The following TSHZ2 variants were observed in gnomAD, a reference collection of about 807,000 sequenced individuals.
TSHZ2 encodes teashirt homolog 2.
In TSHZ2, 21 loss-of-function variants were observed where a neutral mutation model predicts 74.4. The observed-to-expected ratio is 0.28, with a 90% CI of 0.20 to 0.41. The LOEUF is 0.41. Ranked by LOEUF, TSHZ2 falls within the 10% of genes least tolerant of loss-of-function variation. The probability of loss-of-function intolerance (pLI) is 1.00; values close to 1 mark genes in which losing one functional copy is unlikely to be tolerated. For synonymous variants in TSHZ2, 540 were observed against 515.3 expected (o/e 1.05, Z -0.65); for missense variants, 1,244 against 1,293.5 (o/e 0.96, Z 0.59).
At chr20:53,275,531 G>T in intron 2 of TSHZ2, among the ~76,000 whole-genome samples, 1 of 152,148 alleles carries the variant, frequency 6.6e-6, no homozygotes, top group Non-Finnish European at 1.5e-5. Context: ...AGGAAAGGCT[G>T]CAGGTCGATG....
At chr20:53,050,054 C>T (rs1984369403) in intron 1 of TSHZ2, among the ~76,000 whole-genome samples, 1 of 143,074 alleles carries the variant, frequency 7.0e-6, no homozygotes, top group South Asian at 2.4e-4. Context: ...GCACTCTAGC[C>T]TGGGCAACAA....
At chr20:53,104,147 A>G (rs1460200592) in intron 1 of TSHZ2, among the ~76,000 whole-genome samples, 2 of 151,732 alleles carry the variant, frequency 1.3e-5, no homozygotes, top group Non-Finnish European at 2.9e-5. Context: ...GCTGCTGGGG[A>G]CATTGACCAC....
chr20:53,484,732 AT>A (rs1198543198), intron 2 of TSHZ2, among the ~76,000 whole-genome samples: 1 of 152,134 alleles, frequency 6.6e-6, no homozygotes, highest in Non-Finnish European at 1.5e-5. Flanking sequence ...GTTAACAGTA[AT>A]GTGTATAAAG....
At chr20:53,401,829 CTGGAG>C (rs1351968229) in intron 2 of TSHZ2, among the ~76,000 whole-genome samples, 2 of 127,500 alleles carry the variant, frequency 1.6e-5, no homozygotes, top group African/African-American at 6.5e-5. Context: ...GTTGCCGAGG[CTGGAG>C]TGCAGTGGTG....
At chr20:53,484,385 T>C (rs1193069440) in intron 2 of TSHZ2, among the ~76,000 whole-genome samples, 1 of 116,408 alleles carries the variant, frequency 8.6e-6, no homozygotes, top group African/African-American at 3.8e-5. Context: ...TCTCTCTCTT[T>C]TTTTTTTTTT....
chr20:53,378,060 G>C (rs545000022), intron 2 of TSHZ2, among the ~76,000 whole-genome samples: 1 of 152,262 alleles, frequency 6.6e-6, no homozygotes, highest in East Asian at 1.9e-4. Flanking sequence ...TAGAACCTAG[G>C]CCAGGCACGG....
At chr20:53,291,837 C>T (rs917170275) in intron 2 of TSHZ2, among the ~76,000 whole-genome samples, 2 of 152,286 alleles carry the variant, frequency 1.3e-5, no homozygotes, top group Admixed American at 1.3e-4. Context: ...TACGTTGGTA[C>T]ATTTGGTACA....
At chr20:53,073,828 A>T (rs1274871262) in intron 1 of TSHZ2, among the ~76,000 whole-genome samples, 1 of 152,128 alleles carries the variant, frequency 6.6e-6, no homozygotes, top group Non-Finnish European at 1.5e-5. Flanking sequence ...ACTTTGAGAC[A>T]TGCATGTTTA....
chr20:53,209,396 A>C (rs2123605235), intron 1 of TSHZ2, among the ~76,000 whole-genome samples: 1 of 152,314 alleles, frequency 6.6e-6, no homozygotes, highest in East Asian at 1.9e-4. Context: ...CAAAATGCAC[A>C]TATAATTTAA....
intron 2 of TSHZ2, chr20:53,397,869 C>T (rs906851441): frequency 2.0e-5 from 3 of 152,040 alleles, no homozygotes; most frequent in Non-Finnish European, 2.9e-5. Context: ...AGCAAACTAT[C>T]GCAAGGACAG....
intron 2 of TSHZ2, among the ~76,000 whole-genome samples, chr20:53,341,612 G>A (rs765912004): frequency 1.1e-4 from 16 of 151,660 alleles, no homozygotes; most frequent in Non-Finnish European, 1.9e-4. Flanking sequence ...GGCTTAAACC[G>A]CCATACCCGG....
intron 1 of TSHZ2, among the ~76,000 whole-genome samples, chr20:53,094,798 G>T (rs1287588421): frequency 6.6e-6 from 1 of 152,108 alleles, no homozygotes; most frequent in Non-Finnish European, 1.5e-5. Flanking sequence ...CAGGACTGAT[G>T]GATTTTTCTC....
intron 1 of TSHZ2, among the ~76,000 whole-genome samples, chr20:53,237,885 G>A (rs773282975): frequency 1.3e-5 from 2 of 152,104 alleles, no homozygotes; most frequent in Non-Finnish European, 2.9e-5. Context: ...CACTGCAACC[G>A]TACTCGAGAC....
intron 1 of TSHZ2, among the ~76,000 whole-genome samples, chr20:53,104,263 G>A (rs1398139725): frequency 6.6e-6 from 1 of 151,988 alleles, no homozygotes; most frequent in African/African-American, 2.4e-5. Context: ...GGGGGAAGGT[G>A]GGAGGGTTGG....
chr20:53,253,119 A>G (rs191601585), intron 1 of TSHZ2, among the ~76,000 whole-genome samples: 1 of 152,270 alleles, frequency 6.6e-6, no homozygotes, highest in African/African-American at 2.4e-5. Flanking sequence ...ATGAGCCAAC[A>G]TTCTTCCCTG....
At chr20:53,242,535 G>C (rs1990095373) in intron 1 of TSHZ2, among the ~76,000 whole-genome samples, 1 of 152,108 alleles carries the variant, frequency 6.6e-6, no homozygotes, top group African/African-American at 2.4e-5. Flanking sequence ...AGGGTTTAAG[G>C]CAAGAAGAAG....
intron 2 of TSHZ2, among the ~76,000 whole-genome samples, chr20:53,314,252 C>T (rs531467134): frequency 1.2e-4 from 18 of 149,406 alleles, no homozygotes; most frequent in South Asian, 4.2e-4. Context: ...CACACCACTG[C>T]GCTCCAGCCT....
At chr20:53,448,471 T>C (rs1253511626) in intron 2 of TSHZ2, among the ~76,000 whole-genome samples, 1 of 152,172 alleles carries the variant, frequency 6.6e-6, no homozygotes, top group Non-Finnish European at 1.5e-5. Context: ...AGAAAGGAAC[T>C]CAGATAAGAC....
At chr20:53,111,348 T>A (rs1012748365) in intron 1 of TSHZ2, among the ~76,000 whole-genome samples, 8 of 151,936 alleles carry the variant, frequency 5.3e-5, no homozygotes, top group African/African-American at 1.9e-4. Flanking sequence ...GTAGACTAGG[T>A]TTTGCTACAC....
Sources: allele counts gnomAD v4.1 joint callset (sites outside exome capture counted in the v4.1 genomes callset), GRCh38; gene constraint gnomAD v4.1.1; transcripts MANE v1.5; gene names NCBI Gene and HGNC (gene_info 2026-07-23, HGNC 2026-07-21).